TENT5D: variants seen among roughly 807,000 people sequenced by gnomAD.
TENT5D encodes cancer/testis antigen 112.
For synonymous variants in TENT5D, 103 were observed against 100.6 expected, an observed-to-expected ratio of 1.02 and a Z score of -0.15; for missense variants, 191 against 287.0, an observed-to-expected ratio of 0.67 and a Z score of 2.42.
intron 1 of TENT5D, among the ~76,000 whole-genome samples, chrX:80,425,066 T>C (rs1259742129): frequency 8.9e-6 from 1 of 112,796 alleles, no homozygotes; most frequent in Non-Finnish European, 1.9e-5. Context: ...AAGTTAAGCT[T>C]GACTTCTTAA....
intron 3 of TENT5D, among the ~76,000 whole-genome samples, chrX:80,381,754 T>C (rs1234568007): frequency 8.9e-6 from 1 of 112,272 alleles, no homozygotes; most frequent in African/African-American, 3.2e-5. Flanking sequence ...TTGAATCAGC[T>C]ACTGAAGCTT....
rs531385193 is a variant in TENT5D at position 80,369,906 on chromosome X, A to G, written c.-142+27342A>G. Among the ~76,000 whole-genome samples the G allele has an allele frequency of 7.2e-5, 8 of 110,495 alleles. No individual in the cohort carries two copies. The South Asian group carries it at 2.7e-3, about 38-fold the overall frequency. On this transcript the variant is annotated intron_variant, in intron 3 of 4. Transcript: ENST00000538312. ...CAAGGGATGACGGTAGTTTCTTCAT[A>G]AGCATTTATTTATTTTTATTTTTAT... is the stretch of plus-strand genomic sequence containing the variant.
intron 3 of TENT5D, among the ~76,000 whole-genome samples, chrX:80,356,815 G>C (rs1930294393): frequency 1.8e-5 from 2 of 110,829 alleles, no homozygotes; most frequent in Non-Finnish European, 3.8e-5. Context: ...CAACGTGCAG[G>C]TTTGTTACAC....
At chrX:80,371,905 G>A (rs1038141976) in intron 3 of TENT5D, among the ~76,000 whole-genome samples, 4 of 111,393 alleles carry the variant, frequency 3.6e-5, no homozygotes, top group Non-Finnish European at 7.5e-5. Flanking sequence ...CACTTTTAAT[G>A]TCCTTTAATA....
In TENT5D at chrX:80,437,159, C is replaced by T. The variant is rs139691796; in HGVS notation, c.-141-1451C>T. 3.6e-3 allele frequency among the ~76,000 whole-genome samples: 404 copies of T among 112,041 alleles called. 5 individuals are homozygous for T. The highest frequency in any genetic ancestry group is 0.012 in the African/African-American group (385 of 30,916). ...TTATTAAAAGAATATGATTTGAGCA[C>T]CCAACTAGTTAACTGATATCACAAC... On this transcript the variant is annotated intron_variant, in intron 1 of 2. Transcript: ENST00000308293.
chrX:80,406,086 A>G (rs1931487696), intron 3 of TENT5D, among the ~76,000 whole-genome samples: 1 of 109,703 alleles, frequency 9.1e-6, no homozygotes, highest in Non-Finnish European at 1.9e-5. Flanking sequence ...CATCCACACC[A>G]AAAACCCATC....
chrX:80,404,566 G>A (rs1931446300), intron 3 of TENT5D, among the ~76,000 whole-genome samples: 1 of 111,433 alleles, frequency 9.0e-6, no homozygotes, highest in South Asian at 3.8e-4. Flanking sequence ...TCTTAAAATC[G>A]GCCCTTAAAT....
intron 3 of TENT5D, among the ~76,000 whole-genome samples, chrX:80,344,852 AG>A (rs1421071135): frequency 1.8e-5 from 2 of 111,408 alleles, no homozygotes; most frequent in Non-Finnish European, 3.8e-5. Context: ...CCCAAGCAAA[AG>A]ATTAATTTAG....
At chrX:80,387,858 C>T (rs1931050403) in intron 3 of TENT5D, among the ~76,000 whole-genome samples, 1 of 111,561 alleles carries the variant, frequency 9.0e-6, no homozygotes, top group Non-Finnish European at 1.9e-5. Context: ...CCAGGCAGGT[C>T]CAGAGAACCA....
At chrX:80,413,077 T>C (rs1044669816) in intron 3 of TENT5D, among the ~76,000 whole-genome samples, 1 of 111,698 alleles carries the variant, frequency 9.0e-6, no homozygotes, top group Non-Finnish European at 1.9e-5. Flanking sequence ...ATAACCCTCA[T>C]ACCAAATTTT....
At chrX:80,377,590 G>T (rs944655762) in intron 3 of TENT5D, among the ~76,000 whole-genome samples, 1 of 111,727 alleles carries the variant, frequency 9.0e-6, no homozygotes, top group African/African-American at 3.3e-5. Context: ...GCTGCATAGT[G>T]TTCCATGGTG....
At chrX:80,440,979 T>C (rs975894503) in intron 2 of TENT5D, among the ~76,000 whole-genome samples, 2 of 111,110 alleles carry the variant, frequency 1.8e-5, no homozygotes, top group African/African-American at 3.3e-5. Context: ...GCATGTTGTA[T>C]CACTTCATGT....
intron 3 of TENT5D, among the ~76,000 whole-genome samples, chrX:80,380,463 T>A (rs193005122): frequency 2.7e-5 from 3 of 111,351 alleles, no homozygotes; most frequent in African/African-American, 9.8e-5. Flanking sequence ...GTTCTGTAGA[T>A]GTCTATTACG....
intron 2 of TENT5D, chrX:80,342,464 T>A (rs1238480786): frequency 2.7e-5 from 3 of 112,431 alleles, no homozygotes; most frequent in African/African-American, 9.7e-5. Flanking sequence ...CCAGACTATA[T>A]AGAAATTAAT....
At chrX:80,395,300 A>G (rs758884196) in intron 3 of TENT5D, among the ~76,000 whole-genome samples, 93 of 111,944 alleles carry the variant, frequency 8.3e-4, no homozygotes, top group Non-Finnish European at 1.5e-3. Context: ...TATCTTGGCT[A>G]TTGTTAGTAG....
chrX:80,439,562 G>A (rs1932241262), intron 2 of TENT5D, among the ~76,000 whole-genome samples: 1 of 111,038 alleles, frequency 9.0e-6, no homozygotes, highest in African/African-American at 3.3e-5. Flanking sequence ...TTTGAAATTT[G>A]TACTAATAAC....
At chrX:80,387,828 G>T (rs139062783) in intron 3 of TENT5D, among the ~76,000 whole-genome samples, 4 of 111,689 alleles carry the variant, frequency 3.6e-5, no homozygotes, top group African/African-American at 1.3e-4. Context: ...TCCCTTTAGG[G>T]CAGCAAGTTC....
intron 1 of TENT5D, among the ~76,000 whole-genome samples, chrX:80,426,623 T>C (rs1400131025): frequency 8.9e-6 from 1 of 112,299 alleles, no homozygotes; most frequent in Non-Finnish European, 1.9e-5. Context: ...AGAGTTTTCA[T>C]GGTAAGATTA....
rs775526789 is a variant in TENT5D, at chrX:80,344,472, G to GT, written c.-142+1918dup. Among the ~76,000 whole-genome samples, 660 of 101,979 alleles carry GT rather than the reference G, an allele frequency of 6.5e-3. 8 individuals carry two copies. Among genetic ancestry groups the GT allele is most frequent in the African/African-American group, 0.02 (571 of 28,126 alleles). 88.6% of individuals were successfully genotyped at this position (101,979 alleles called of 115,157 possible). A position where few individuals can be genotyped will look rare whatever the true frequency, so the allele number is the denominator to read the frequency against. The stretch of plus-strand genomic sequence containing the variant: ...AACTCACCAACATCTGTTATTTTTT[G>GT]TTTTTTTTTTAATAATAGCCATACT... On this transcript the variant is annotated intron_variant, in intron 3 of 4. Transcript: ENST00000538312.
Sources: allele counts gnomAD v4.1 joint callset (sites outside exome capture counted in the v4.1 genomes callset), GRCh38; gene constraint gnomAD v4.1.1; transcripts MANE v1.5; gene names NCBI Gene and HGNC (gene_info 2026-07-23, HGNC 2026-07-21).